The following DMD variants were observed in gnomAD, a reference collection of about 807,000 sequenced individuals.
DMD encodes dystrophin, also known as mutant dystrophin.
DMD carries 63 observed loss-of-function variants against 330.1 expected under a neutral mutation model. The observed-to-expected ratio is 0.19, with a 90% CI of 0.16 to 0.24. The LOEUF (loss-of-function observed/expected upper bound fraction) is 0.24, where lower values mean the gene tolerates loss of function less well. Ranked by LOEUF, DMD falls within the 10% of genes least tolerant of loss-of-function variation. The pLI is 1.00. For synonymous variants in DMD, 1,223 were observed against 959.8 expected, an observed-to-expected ratio of 1.27 and a Z score of -5.07; for missense variants, 3,344 against 2,684.1, an observed-to-expected ratio of 1.25 and a Z score of -5.43.
intron 62 of DMD, 47 bp downstream of exon 62, chrX:31,323,551 T>G (rs1435051862): frequency 9.7e-7 from 1 of 1,029,865 alleles, no homozygotes; most frequent in South Asian, 1.9e-5. Context: ...AATATACAGG[T>G]TAGTCACAAT....
intron 7 of DMD, among the ~76,000 whole-genome samples, chrX:32,757,792 A>C (rs1327465849): frequency 9.0e-6 from 1 of 111,649 alleles, no homozygotes; most frequent in Non-Finnish European, 1.9e-5. Context: ...CAGCATGAGA[A>C]CAGACTAATA....
intron 21 of DMD, among the ~76,000 whole-genome samples, chrX:32,477,751 G>C (rs1013541603): frequency 1.8e-5 from 2 of 110,432 alleles, no homozygotes; most frequent in African/African-American, 3.3e-5. Context: ...CTCTCCTCTT[G>C]AAAAATAGAA....
intron 29 of DMD, among the ~76,000 whole-genome samples, chrX:32,415,149 G>C (rs1235493469): frequency 8.9e-6 from 1 of 112,161 alleles, no homozygotes; most frequent in Non-Finnish European, 1.9e-5. Flanking sequence ...GGCAAAAACA[G>C]TGTACTCTAC....
chrX:32,438,866 A>G (rs2148199471), intron 28 of DMD, among the ~76,000 whole-genome samples: 1 of 111,844 alleles, frequency 8.9e-6, no homozygotes, highest in South Asian at 3.8e-4. Context: ...CTTCATGCTC[A>G]GGAAGAGAGA....
intron 17 of DMD, among the ~76,000 whole-genome samples, chrX:32,518,500 G>A (rs1450869126): frequency 9.1e-6 from 1 of 110,383 alleles, no homozygotes; most frequent in Non-Finnish European, 1.9e-5. Flanking sequence ...ATTCCTGTTG[G>A]TGGTCACCAT....
At chrX:32,502,678 A>T (rs745745865) in intron 18 of DMD, among the ~76,000 whole-genome samples, 20 of 112,615 alleles carry the variant, frequency 1.8e-4, no homozygotes, top group Non-Finnish European at 3.0e-4. Flanking sequence ...AGAACAACAC[A>T]CCTGTGACTT....
chrX:31,603,096 C>A (rs1244230726), intron 55 of DMD, among the ~76,000 whole-genome samples: 1 of 110,292 alleles, frequency 9.1e-6, no homozygotes, highest in South Asian at 3.8e-4. Flanking sequence ...TCTGTCATAC[C>A]CCGAGTAGCT....
intron 17 of DMD, among the ~76,000 whole-genome samples, chrX:32,536,132 G>A (rs972214780): frequency 9.1e-6 from 1 of 109,601 alleles, no homozygotes; most frequent in Non-Finnish European, 1.9e-5. Flanking sequence ...GGGCATGGTG[G>A]CCCTTGCCTG....
chrX:32,602,547 G>A (rs1275260533), intron 12 of DMD, among the ~76,000 whole-genome samples: 2 of 111,351 alleles, frequency 1.8e-5, no homozygotes, highest in Admixed American at 1.9e-4. Flanking sequence ...TTATCCTCCT[G>A]CTCAGACGGT....
chrX:32,923,386 C>T (rs1427637826), intron 2 of DMD, among the ~76,000 whole-genome samples: 2 of 109,570 alleles, frequency 1.8e-5, no homozygotes, highest in African/African-American at 3.3e-5. Flanking sequence ...TATAGCGAAA[C>T]CCCATCTCTA....
At chrX:31,414,437 A>G (rs1304297551) in intron 60 of DMD, among the ~76,000 whole-genome samples, 2 of 112,373 alleles carry the variant, frequency 1.8e-5, no homozygotes, top group African/African-American at 3.2e-5. Context: ...AAATAATAAA[A>G]AGTAGTCATA....
At chrX:31,308,741 T>A (rs987853514) in intron 62 of DMD, among the ~76,000 whole-genome samples, 1 of 110,325 alleles carries the variant, frequency 9.1e-6, no homozygotes, top group Non-Finnish European at 1.9e-5. Context: ...ATTTTTTTTT[T>A]CTTTGGAGAT....
intron 51 of DMD, among the ~76,000 whole-genome samples, chrX:31,749,185 C>A (rs1380158327): frequency 1.0e-4 from 11 of 108,615 alleles, no homozygotes; most frequent in African/African-American, 3.4e-4. Flanking sequence ...GGTACATGTG[C>A]ACAATGTGCA....
chrX:31,498,177 T>C lies in DMD; in HGVS notation c.8391-1233A>G, dbSNP rs187310472. ...CAAGGAAATTATACTAACAAAGAAA[T>C]TGGAAAAAGATACAAAGATATAGGT... is the stretch of plus-strand genomic sequence containing the variant. On this transcript the variant is annotated intron_variant, in intron 56 of 78. Coordinates refer to ENST00000357033, the MANE Select transcript of DMD (RefSeq NM_004006.3). 1.9e-3 allele frequency among the ~76,000 whole-genome samples: 208 copies of C among 111,588 alleles called. 1 individual carries two copies. Among genetic ancestry groups the C allele is most frequent in the African/African-American group, 6.3e-3 (193 of 30,759 alleles).
intron 1 of DMD, among the ~76,000 whole-genome samples, chrX:33,264,789 G>A (rs1373776483): frequency 9.0e-6 from 1 of 110,714 alleles, no homozygotes; most frequent in Non-Finnish European, 1.9e-5. Flanking sequence ...GAAATAAGGA[G>A]CAGGTTACAA....
intron 18 of DMD, among the ~76,000 whole-genome samples, chrX:32,507,421 T>G (rs1488316405): frequency 8.9e-6 from 1 of 111,824 alleles, no homozygotes; most frequent in African/African-American, 3.2e-5. Flanking sequence ...TCAATAGCCC[T>G]CTAAATGTTA....
intron 62 of DMD, among the ~76,000 whole-genome samples, chrX:31,301,755 GT>G (rs200141315): frequency 1.0e-4 from 11 of 109,276 alleles, no homozygotes; most frequent in South Asian, 3.8e-4. Flanking sequence ...TTTTTTGTTT[GT>G]TTTTTTTTGT....
chrX:32,538,801 T>A (rs760973614), intron 17 of DMD, among the ~76,000 whole-genome samples: 1 of 111,410 alleles, frequency 9.0e-6, no homozygotes, highest in Non-Finnish European at 1.9e-5. Context: ...TGCTGAAGCA[T>A]GAGAACCACT....
In DMD at chrX:31,168,871, C is replaced by T. The variant is rs772174846; in HGVS notation, c.10553+572G>A. 7.1e-5 allele frequency among the ~76,000 whole-genome samples: 8 copies of T among 111,889 alleles called. No individual in the cohort carries two copies. In the East Asian group the frequency reaches 2.2e-3, roughly 31 times the overall value. Reference sequence around the variant, plus strand: ...GCAGTCATTATGAGAGTTCTTTAGCCTTTTTCTCTTCTACAATTTCTGCTA... The same window carrying T: ...GCAGTCATTATGAGAGTTCTTTAGCTTTTTTCTCTTCTACAATTTCTGCTA... On this transcript the variant is annotated intron_variant, in intron 74 of 78. Coordinates refer to ENST00000357033, the MANE Select transcript of DMD (RefSeq NM_004006.3).
Sources: gnomAD v4.1 joint callset for allele counts (sites outside exome capture counted in the v4.1 genomes callset) on GRCh38, gnomAD v4.1.1 for gene constraint, MANE v1.5 for transcripts, NCBI Gene and HGNC (gene_info 2026-07-23, HGNC 2026-07-21) for gene names.